BMPR2: variants seen among roughly 807,000 people sequenced by gnomAD.
BMPR2 encodes the protein bone morphogenetic protein receptor type 2.
BMPR2 carries 29 observed loss-of-function variants against 100.8 expected under a neutral mutation model. The observed-to-expected ratio is 0.29, with a 90% CI of 0.21 to 0.39. The LOEUF is 0.39. BMPR2 is among the 10% of genes least tolerant of loss of function. The probability of loss-of-function intolerance (pLI) is 1.00; values close to 1 mark genes in which losing one functional copy is unlikely to be tolerated. For missense variants in BMPR2, 1,011 were observed against 1,274.5 expected (o/e 0.79, Z 3.15); for synonymous variants, 382 against 442.3 (o/e 0.86, Z 1.71).
chr2:202,542,834 T>C (rs1688301581), intron 10 of BMPR2, among the ~76,000 whole-genome samples: 1 of 152,170 alleles, frequency 6.6e-6, no homozygotes, highest in Non-Finnish European at 1.5e-5. Context: ...AAATTTAGGC[T>C]AGACCTGAAA....
chr2:202,526,898 C>T (rs1013942101), intron 7 of BMPR2, among the ~76,000 whole-genome samples: 1 of 152,080 alleles, frequency 6.6e-6, no homozygotes, highest in African/African-American at 2.4e-5. Context: ...GAGTCTCACT[C>T]TGTTGCCCAG....
At chr2:202,449,134 C>A (rs1409171572) in intron 1 of BMPR2, among the ~76,000 whole-genome samples, 4 of 151,688 alleles carry the variant, frequency 2.6e-5, no homozygotes, top group Non-Finnish European at 4.4e-5. Flanking sequence ...CATGGAGAAA[C>A]CCTGTCTCTA....
intron 10 of BMPR2, among the ~76,000 whole-genome samples, chr2:202,548,384 T>A (rs1372170184): frequency 6.6e-6 from 1 of 152,088 alleles, no homozygotes; most frequent in Middle Eastern, 3.4e-3. Context: ...CCTAGGAATG[T>A]GAAGCTGTAG....
In BMPR2 at chr2:202,437,834, G is replaced by A. The variant is rs540762202; in HGVS notation, c.77-26975G>A. Among the ~76,000 whole-genome samples the A allele has an allele frequency of 1.3e-5, 2 of 150,600 alleles. 1 individual carries two copies. The highest frequency in any genetic ancestry group is 5.0e-5 in the African/African-American group (2 of 40,014). On this transcript the variant is annotated intron_variant, in intron 1 of 12. Transcript: ENST00000374580. ...TTATTGCCCAATAACATTCTATTACGGATATACTGCATTTCCTTTATCCTT... is the reference window on the plus strand; with the variant it reads ...TTATTGCCCAATAACATTCTATTACAGATATACTGCATTTCCTTTATCCTT...
At chr2:202,533,175 CCTT>C (rs888204668) in intron 9 of BMPR2, among the ~76,000 whole-genome samples, 1 of 151,566 alleles carries the variant, frequency 6.6e-6, no homozygotes, top group Non-Finnish European at 1.5e-5. Context: ...TTCCTTCTTT[CCTT>C]CTTTCTTCCT....
rs368319839 is a variant in BMPR2, at chr2:202,485,741, C to T, written c.418+18052C>T. ...TGTATTTTTGGTAGAGTTGGGCTTTCACCATGTTGACCAGGCTGGTCTCAA... is the reference window on the plus strand; with the variant it reads ...TGTATTTTTGGTAGAGTTGGGCTTTTACCATGTTGACCAGGCTGGTCTCAA... On this transcript the variant is annotated intron_variant, in intron 3 of 12. Transcript: ENST00000374580. Among the ~76,000 whole-genome samples, 8 of 151,826 alleles carry T rather than the reference C, an allele frequency of 5.3e-5. No homozygotes were observed. The South Asian group carries it at 1.7e-3, about 32-fold the overall frequency.
chr2:202,542,533 C>A, intron 10 of BMPR2, 86 bp downstream of exon 10: 1 of 1,483,678 alleles, frequency 6.7e-7, no homozygotes, highest in Non-Finnish European at 9.2e-7. Context: ...CTGTTAATAA[C>A]GTTAATAGTT....
At chr2:202,498,373 C>T (rs914135211) in intron 3 of BMPR2, among the ~76,000 whole-genome samples, 15 of 152,124 alleles carry the variant, frequency 9.9e-5, no homozygotes, top group South Asian at 2.1e-4. Flanking sequence ...CGTCAGTGAG[C>T]GCAACTATTC....
intron 3 of BMPR2, among the ~76,000 whole-genome samples, chr2:202,501,748 A>G (rs1490257953): frequency 1.3e-5 from 2 of 152,220 alleles, no homozygotes; most frequent in East Asian, 1.9e-4. Context: ...ACAGCCACCT[A>G]CTTAGATACC....
chr2:202,502,415 C>A (rs546305940), intron 3 of BMPR2, among the ~76,000 whole-genome samples: 2 of 151,950 alleles, frequency 1.3e-5, no homozygotes, highest in South Asian at 4.2e-4. Context: ...GAAAGAGGAA[C>A]AGACACAGAA....
At position 202,495,847 on chromosome 2, in the gene BMPR2, T is replaced by C. The variant is rs1248430857; in HGVS notation, c.419-17872T>C. Among the ~76,000 whole-genome samples the C allele has an allele frequency of 6.6e-6, 1 of 152,248 alleles. No homozygotes were observed. Among genetic ancestry groups the C allele is most frequent in the Non-Finnish European group, 1.5e-5 (1 of 68,052 alleles). ...TGTAAAAGTTTTGTTAAATTTTCTT[T>C]TATAAATTTGAGAATAAAAGCAAAG... On this transcript the variant is annotated intron_variant, in intron 3 of 12. Transcript: ENST00000374580. The surrounding 1 kb of genome is among the most constrained non-coding windows in gnomAD (Gnocchi z 4.5).
intron 3 of BMPR2, among the ~76,000 whole-genome samples, chr2:202,500,630 G>A (rs1687363819): frequency 6.6e-6 from 1 of 152,190 alleles, no homozygotes; most frequent in African/African-American, 2.4e-5. Context: ...ACATTTGAAA[G>A]CTCAAGGCTT....
At chr2:202,417,130 C>T (rs748325997) in intron 1 of BMPR2, among the ~76,000 whole-genome samples, 50 of 151,278 alleles carry the variant, frequency 3.3e-4, no homozygotes, top group Non-Finnish European at 5.9e-4. Context: ...GCCGTGGCGC[C>T]CAGCCTAGCA....
At chr2:202,498,990 C>G (rs988432538) in intron 3 of BMPR2, among the ~76,000 whole-genome samples, 13 of 152,188 alleles carry the variant, frequency 8.5e-5, no homozygotes, top group Non-Finnish European at 1.3e-4. Flanking sequence ...GCTCCCCTTC[C>G]TATTAATGAT....
intron 9 of BMPR2, among the ~76,000 whole-genome samples, chr2:202,536,595 G>A (rs1260115734): frequency 2.0e-5 from 3 of 151,534 alleles, no homozygotes; most frequent in Non-Finnish European, 4.4e-5. Context: ...TTTTTTGGCC[G>A]GGTGCGGTGG....
At chr2:202,474,905 A>G (rs1692512573) in intron 3 of BMPR2, 1 of 152,144 alleles carries the variant, frequency 6.6e-6, no homozygotes, top group African/African-American at 2.4e-5. Context: ...TATTTGTGTA[A>G]CCAATAACCT....
intron 1 of BMPR2, among the ~76,000 whole-genome samples, chr2:202,458,388 T>G (rs1692164793): frequency 6.6e-6 from 1 of 151,708 alleles, no homozygotes; most frequent in Admixed American, 6.6e-5. Context: ...GAGGATCCCT[T>G]GAGCCTGAAA....
chr2:202,475,161 T>G (rs572072373), intron 3 of BMPR2: 3 of 152,098 alleles, frequency 2.0e-5, no homozygotes, highest in Admixed American at 6.5e-5. Context: ...TTGTTTTGTG[T>G]TGTTGTTTTT....
At chr2:202,469,024 GGTTTT>G in intron 3 of BMPR2, among the ~76,000 whole-genome samples, 1 of 151,760 alleles carries the variant, frequency 6.6e-6, no homozygotes, top group African/African-American at 2.4e-5. Flanking sequence ...TTTATTTTTT[GGTTTT>G]GTTTTGTTTT....
Sources: allele counts gnomAD v4.1 joint callset (sites outside exome capture counted in the v4.1 genomes callset), GRCh38; gene constraint gnomAD v4.1.1; non-coding constraint Gnocchi (gnomAD v3.1); transcripts MANE v1.5; gene names NCBI Gene and HGNC (gene_info 2026-07-23, HGNC 2026-07-21).